Variants in FRMPD4 observed in about 807,000 individuals in gnomAD.
FRMPD4 encodes FERM and PDZ domain-containing protein 4.
Under a neutral mutation model 94.1 loss-of-function variants are expected in FRMPD4, and 22 were observed. That is an observed-to-expected ratio of 0.23 (90% CI 0.17 to 0.33). The LOEUF is 0.33. Among genes scored for constraint, FRMPD4 ranks in the 10% least tolerant of loss-of-function variants. The probability of loss-of-function intolerance (pLI) is 1.00; values close to 1 mark genes in which losing one functional copy is unlikely to be tolerated. For missense variants in FRMPD4, 1,111 were observed against 1,339.9 expected (o/e 0.83, Z 2.67); for synonymous variants, 631 against 548.6 (o/e 1.15, Z -2.10).
At chrX:12,720,092 G>T (rs754311121) in intron 16 of FRMPD4, among the ~76,000 whole-genome samples, 2 of 110,226 alleles carry the variant, frequency 1.8e-5, no homozygotes, top group African/African-American at 3.3e-5. Context: ...GAGAAAGAAA[G>T]AAAGGAGGAA....
intron 3 of FRMPD4, among the ~76,000 whole-genome samples, chrX:12,070,662 G>A (rs140771877): frequency 3.3e-3 from 373 of 111,992 alleles, no homozygotes; most frequent in African/African-American, 4.0e-3. Context: ...GCCGCATGGT[G>A]CTAATTTATT....
intron 1 of FRMPD4, among the ~76,000 whole-genome samples, chrX:12,292,040 G>A (rs994659675): frequency 2.1e-4 from 24 of 111,973 alleles, no homozygotes; most frequent in Non-Finnish European, 4.3e-4. Context: ...CAGTGACTTA[G>A]AACACACCTG....
intron 1 of FRMPD4, among the ~76,000 whole-genome samples, chrX:11,850,579 C>T (rs1227437818): frequency 8.9e-6 from 1 of 112,167 alleles, no homozygotes; most frequent in East Asian, 2.8e-4. Context: ...AACAGATAAA[C>T]AAGATATGGT....
At chrX:12,007,182 G>A (rs1013106167) in intron 3 of FRMPD4, among the ~76,000 whole-genome samples, 2 of 111,283 alleles carry the variant, frequency 1.8e-5, no homozygotes, top group African/African-American at 6.5e-5. Flanking sequence ...ATGCTGTGAG[G>A]GAGCCAAAGC....
At chrX:12,422,966 G>A (rs1027238165) in intron 1 of FRMPD4, among the ~76,000 whole-genome samples, 1 of 111,250 alleles carries the variant, frequency 9.0e-6, no homozygotes, top group Non-Finnish European at 1.9e-5. Flanking sequence ...TGTCATGTTT[G>A]TTCAAACTGA....
At chrX:12,504,803 A>G (rs1201488142) in intron 2 of FRMPD4, among the ~76,000 whole-genome samples, 3 of 112,202 alleles carry the variant, frequency 2.7e-5, no homozygotes, top group Non-Finnish European at 5.6e-5. Flanking sequence ...CATTTTCCCT[A>G]TGTTTCTTCT....
At chrX:12,293,698 G>T (rs773609202) in intron 1 of FRMPD4, among the ~76,000 whole-genome samples, 1 of 112,249 alleles carries the variant, frequency 8.9e-6, no homozygotes, top group Non-Finnish European at 1.9e-5. Flanking sequence ...TACCATTTTA[G>T]TATTAATTGT....
chrX:11,851,501 C>G (rs902255971), intron 1 of FRMPD4, among the ~76,000 whole-genome samples: 4 of 111,433 alleles, frequency 3.6e-5, no homozygotes, highest in Non-Finnish European at 7.5e-5. Flanking sequence ...CCTTAAGACA[C>G]AGTAGAAACA....
At chrX:12,105,202 T>C (rs188283886) in intron 3 of FRMPD4, among the ~76,000 whole-genome samples, 55 of 112,074 alleles carry the variant, frequency 4.9e-4, no homozygotes, top group South Asian at 3.8e-4. Flanking sequence ...CTTTCGTTGA[T>C]TGAGACATCC....
chrX:12,720,228 T>C (rs2042212803), intron 16 of FRMPD4, among the ~76,000 whole-genome samples: 2 of 112,141 alleles, frequency 1.8e-5, no homozygotes, highest in Admixed American at 9.4e-5. Flanking sequence ...TAAGCTTTGA[T>C]GGGTAGATAT....
At chrX:12,516,298 G>T (rs1602056998) in intron 2 of FRMPD4, among the ~76,000 whole-genome samples, 1 of 111,987 alleles carries the variant, frequency 8.9e-6, no homozygotes, top group Non-Finnish European at 1.9e-5. Context: ...TAGTGTCATT[G>T]GTCTTTGTAC....
At chrX:11,997,999 CCTT>C (rs935560145) in intron 3 of FRMPD4, among the ~76,000 whole-genome samples, 3 of 111,816 alleles carry the variant, frequency 2.7e-5, no homozygotes, top group South Asian at 3.7e-4. Flanking sequence ...ACATTTCTAT[CCTT>C]CTTCTGCTGT....
chrX:12,281,195 T>C (rs1010124613), intron 1 of FRMPD4, among the ~76,000 whole-genome samples: 1 of 111,343 alleles, frequency 9.0e-6, no homozygotes, highest in African/African-American at 3.3e-5. Flanking sequence ...GGCTTTCTAT[T>C]CTCTACAGAA....
chrX:11,899,738 C>T (rs910712218), intron 3 of FRMPD4, among the ~76,000 whole-genome samples: 2 of 111,670 alleles, frequency 1.8e-5, no homozygotes, highest in African/African-American at 3.3e-5. Context: ...TTCTGTTATT[C>T]GCCATCAGTC....
chrX:12,274,267 T>C (rs1174449548), intron 1 of FRMPD4, among the ~76,000 whole-genome samples: 3 of 111,617 alleles, frequency 2.7e-5, no homozygotes, highest in Non-Finnish European at 3.8e-5. Context: ...AGAAACCCTC[T>C]TAGGGAAGAA....
At chrX:12,152,923 A>ATTTTTTTTTT (rs11432329) in intron 1 of FRMPD4, among the ~76,000 whole-genome samples, 40 of 75,732 alleles carry the variant, frequency 5.3e-4, no homozygotes, top group Non-Finnish European at 6.5e-4. Flanking sequence ...AAGCTTATAC[A>ATTTTTTTTTT]TTTTTTTTTT....
intron 1 of FRMPD4, among the ~76,000 whole-genome samples, chrX:12,266,485 C>T (rs1244506231): frequency 4.5e-5 from 5 of 111,301 alleles, no homozygotes; most frequent in Non-Finnish European, 5.7e-5. Flanking sequence ...AATGAAAATA[C>T]GCAAGGCCCC....
chrX:11,986,356 T>C (rs1416603501), intron 3 of FRMPD4, among the ~76,000 whole-genome samples: 1 of 111,891 alleles, frequency 8.9e-6, no homozygotes, highest in East Asian at 2.8e-4. Flanking sequence ...AAGAAGGAAA[T>C]TGAAAAATTT....
intron 3 of FRMPD4, among the ~76,000 whole-genome samples, chrX:11,997,435 T>C (rs754911369): frequency 7.5e-4 from 84 of 112,175 alleles, no homozygotes; most frequent in African/African-American, 2.1e-3. Flanking sequence ...GCTGTGGTAA[T>C]GCTGTGTAAC....
Sources: allele counts gnomAD v4.1 joint callset (sites outside exome capture counted in the v4.1 genomes callset), GRCh38; gene constraint gnomAD v4.1.1; transcripts MANE v1.5; gene names NCBI Gene and HGNC (gene_info 2026-07-23, HGNC 2026-07-21).